PAN3: variants seen among roughly 807,000 people sequenced by gnomAD.
PAN3 encodes the protein PAN2-PAN3 deadenylation complex subunit PAN3.
PAN3 carries 19 observed loss-of-function variants against 96.2 expected under a neutral mutation model. The ratio of observed to expected loss-of-function variants is 0.20; its 90% CI spans 0.14 to 0.29. PAN3 has a LOEUF of 0.29. Among genes scored for constraint, PAN3 ranks in the 10% least tolerant of loss-of-function variants. The pLI, the probability that PAN3 is intolerant of heterozygous loss-of-function variation, is 1.00. For missense variants in PAN3, 882 were observed against 1,108.1 expected (o/e 0.80, Z 2.90); for synonymous variants, 433 against 406.6 (o/e 1.06, Z -0.78).
At position 28,261,477 on chromosome 13, in the gene PAN3, CT is replaced by C; in HGVS notation, c.1411+21del. On this transcript the variant is annotated intron_variant, in intron 9 of 18. Coordinates refer to ENST00000380958, the MANE Select transcript of PAN3 (RefSeq NM_175854.8). ...ATGCCAGGTAAAAAGCAAGTTGATC[CT>C]TCCTTTCTTTTAAAGGCTGTTATAA... 6.3e-7 allele frequency: 1 copy of C among 1,595,356 alleles called. No individual in the cohort carries two copies. Among genetic ancestry groups the C allele is most frequent in the Non-Finnish European group, 8.6e-7 (1 of 1,167,298 alleles).
intron 6 of PAN3, among the ~76,000 whole-genome samples, chr13:28,222,398 ACT>A (rs1392345755): frequency 6.6e-6 from 1 of 152,066 alleles, no homozygotes; most frequent in African/African-American, 2.4e-5. Context: ...GAAAGTGATC[ACT>A]CTCTGGAACC....
At chr13:28,281,571 A>C (rs879873309) in intron 17 of PAN3, among the ~76,000 whole-genome samples, 192 bp downstream of exon 17, 1 of 152,160 alleles carries the variant, frequency 6.6e-6, no homozygotes, top group Non-Finnish European at 1.5e-5. Context: ...AATTTTACAC[A>C]CATGTATACA....
At position 28,138,917 on chromosome 13, in the gene PAN3, C is replaced by A; in HGVS notation, c.260C>A (p.Pro87His). 7.3e-7 allele frequency: 1 copy of A among 1,372,650 alleles called. No homozygotes were observed. The highest frequency in any genetic ancestry group is 2.9e-5 in the East Asian group (1 of 34,754). The allele number at this position is 1,372,650 out of a possible 1,614,324, so 85.0% of individuals were successfully genotyped here. Residue 87 changes from proline to histidine, a missense_variant, in exon 1 of 19, where the codon CCC becomes CAC. Around this residue, in one of 3 missense-constraint regions of PAN3, gnomAD observed 442 missense variants for 422.8 expected, o/e 1.05. Coordinates refer to ENST00000380958, the MANE Select transcript of PAN3 (RefSeq NM_175854.8). ...PGLGLHSNSV[P>H]LALAGAPVAG... ...CTCGGCCTCCATAGCAACAGCGTCC[C>A]CCTGGCTCTGGCTGGTGCACCCGTG...
intron 4 of PAN3, among the ~76,000 whole-genome samples, chr13:28,190,567 G>C (rs1839609079): frequency 6.6e-6 from 1 of 152,116 alleles, no homozygotes; most frequent in South Asian, 2.1e-4. Flanking sequence ...GCCTCTGCTG[G>C]ATGTTTTACC....
At chr13:28,186,434 A>G (rs1876479059) in intron 4 of PAN3, among the ~76,000 whole-genome samples, 1 of 152,214 alleles carries the variant, frequency 6.6e-6, no homozygotes, top group Non-Finnish European at 1.5e-5. Context: ...AATAGGCGCT[A>G]TGTCCCAGAA....
chr13:28,145,409 C>T (rs1326374011), intron 1 of PAN3, among the ~76,000 whole-genome samples: 1 of 152,098 alleles, frequency 6.6e-6, no homozygotes, highest in East Asian at 1.9e-4. Flanking sequence ...ACTGCAACCT[C>T]CGCCTCCTGG....
At chr13:28,289,499 A>T (rs964946556) in intron 18 of PAN3, among the ~76,000 whole-genome samples, 2 of 152,176 alleles carry the variant, frequency 1.3e-5, no homozygotes, top group African/African-American at 4.8e-5. Flanking sequence ...GCTGGTCCCA[A>T]ACTCCTGAGA....
At chr13:28,247,745 T>C (rs960747650) in intron 6 of PAN3, among the ~76,000 whole-genome samples, 2 of 152,200 alleles carry the variant, frequency 1.3e-5, no homozygotes, top group African/African-American at 4.8e-5. Context: ...TAAATATGTG[T>C]ATTTATTTCA....
intron 1 of PAN3, among the ~76,000 whole-genome samples, chr13:28,157,614 C>T (rs769496378): frequency 3.0e-4 from 46 of 151,960 alleles, no homozygotes; most frequent in Admixed American, 4.6e-4. Flanking sequence ...TCACAATAGC[C>T]GTGAAAAATA....
In PAN3 at chr13:28,266,865, G is replaced by A. The variant is rs751482462; in HGVS notation, c.1562G>A (p.Arg521Gln). The change falls in exon 10 of 19, where the codon CGG becomes CAG. Residue 521 changes from arginine (R) to glutamine (Q), a missense_variant. This residue lies in a region of PAN3 where 364 missense variants were observed against 513.6 expected (regional missense o/e 0.71). Transcript: ENST00000380958. ...NSKDDLPYCL[R>Q]RIHGFRLVNT... The stretch of plus-strand genomic sequence containing the variant: ...AAAGATGATCTGCCATATTGCCTTC[G>A]GAGGATACATGGTAAGGAAGATAAG... 5.0e-6 allele frequency: 8 copies of A among 1,597,914 alleles called. No homozygotes were observed. Among genetic ancestry groups the A allele is most frequent in the African/African-American group, 4.0e-5 (3 of 74,442 alleles).
At chr13:28,213,193 A>G (rs1880264738) in intron 5 of PAN3, among the ~76,000 whole-genome samples, 2 of 152,232 alleles carry the variant, frequency 1.3e-5, no homozygotes, top group African/African-American at 4.8e-5. Flanking sequence ...AAAGAATGCC[A>G]TATAACATTT....
chr13:28,286,453 G>C (rs944266645), intron 17 of PAN3, among the ~76,000 whole-genome samples: 5 of 152,174 alleles, frequency 3.3e-5, no homozygotes, highest in Admixed American at 3.3e-4. Flanking sequence ...CCTTTTCTCA[G>C]TTCTCCTGTT....
intron 12 of PAN3, 73 bp from the exon 13 acceptor site, chr13:28,270,628 A>G: frequency 6.7e-7 from 1 of 1,484,502 alleles, no homozygotes; most frequent in Admixed American, 1.9e-5. Context: ...GTCTTTGCTA[A>G]TTTTGATGTT....
At chr13:28,256,725 ATAAT>A (rs1220946707) in intron 7 of PAN3, among the ~76,000 whole-genome samples, 186 bp downstream of exon 7, 1 of 152,182 alleles carries the variant, frequency 6.6e-6, no homozygotes. Flanking sequence ...TGCCTTACTA[ATAAT>A]TCTAGTTTTG....
intron 4 of PAN3, among the ~76,000 whole-genome samples, chr13:28,190,063 C>A (rs749524156): frequency 4.7e-4 from 72 of 152,292 alleles, no homozygotes; most frequent in Non-Finnish European, 9.1e-4. Context: ...CCTGCCTCAG[C>A]CTCCAGAGTA....
chr13:28,154,370 C>T (rs372024722), intron 1 of PAN3, among the ~76,000 whole-genome samples: 4 of 151,970 alleles, frequency 2.6e-5, no homozygotes, highest in African/African-American at 9.7e-5. Context: ...TCTAAAATTT[C>T]TGTTTCGGGA....
At chr13:28,282,880 G>GTTTA (rs3057869) in intron 17 of PAN3, among the ~76,000 whole-genome samples, 25,763 of 151,032 alleles carry the variant, frequency 0.17, 2,521 homozygotes, top group East Asian at 0.43. Context: ...TCCTTGGTTT[G>GTTTA]TTTATTTATT....
intron 17 of PAN3, 41 bp downstream of exon 17, chr13:28,281,420 A>G: frequency 6.6e-7 from 1 of 1,522,920 alleles, no homozygotes; most frequent in East Asian, 2.3e-5. Context: ...TTTAATCGAG[A>G]GCACTATTTT....
chr13:28,252,131 G>T (rs902897690), intron 6 of PAN3, among the ~76,000 whole-genome samples: 4 of 150,324 alleles, frequency 2.7e-5, no homozygotes, highest in Non-Finnish European at 5.9e-5. Context: ...CAGGTGGCCT[G>T]CCTGCCTCAG....
Sources: gnomAD v4.1 joint callset for allele counts (sites outside exome capture counted in the v4.1 genomes callset) on GRCh38, gnomAD v4.1.1 for gene constraint, gnomAD v4.1.1 regional missense constraint, MANE v1.5 for transcripts, NCBI Gene and HGNC (gene_info 2026-07-23, HGNC 2026-07-21) for gene names.